B3GLCT: variants seen among roughly 807,000 people sequenced by gnomAD.
B3GLCT encodes the protein beta-1,3-glucosyltransferase.
A neutral mutation model predicts 63.4 loss-of-function variants in B3GLCT; 65 were observed. The ratio of observed to expected loss-of-function variants is 1.03; its 90% CI spans 0.84 to 1.26. The LOEUF (loss-of-function observed/expected upper bound fraction) is 1.26, where lower values mean the gene tolerates loss of function less well. Ranked by LOEUF, B3GLCT falls within the 50% of genes most tolerant of loss-of-function variation. B3GLCT has a pLI of 0.00. For missense variants in B3GLCT, 577 were observed against 604.8 expected, an observed-to-expected ratio of 0.95 and a Z score of 0.48; for synonymous variants, 233 against 219.2, an observed-to-expected ratio of 1.06 and a Z score of -0.55.
intron 12 of B3GLCT, among the ~76,000 whole-genome samples, chr13:31,292,655 T>A (rs1593301525): frequency 6.6e-6 from 1 of 152,156 alleles, no homozygotes; most frequent in Middle Eastern, 3.4e-3. Flanking sequence ...TCAGTGGTTA[T>A]ATCCCCTTTA....
At chr13:31,254,069 C>T (rs1871588820) in intron 6 of B3GLCT, among the ~76,000 whole-genome samples, 1 of 152,152 alleles carries the variant, frequency 6.6e-6, no homozygotes, top group Non-Finnish European at 1.5e-5. Flanking sequence ...CGGGACCAGA[C>T]AGATTCACAG....
chr13:31,294,037 A>G (rs1873812280), intron 12 of B3GLCT, among the ~76,000 whole-genome samples: 1 of 152,174 alleles, frequency 6.6e-6, no homozygotes, highest in African/African-American at 2.4e-5. Context: ...GCTTGTTTGT[A>G]AAGGATTTTA....
At chr13:31,316,407 T>TTATATATACATATATATATA (rs1555255280) in intron 12 of B3GLCT, among the ~76,000 whole-genome samples, 1 of 40,866 alleles carries the variant, frequency 2.4e-5, no homozygotes, top group African/African-American at 6.5e-5. Flanking sequence ...TTTGGAGGTT[T>TTATATATACATATATATATA]TATATATATA....
intron 13 of B3GLCT, among the ~76,000 whole-genome samples, chr13:31,323,325 G>A (rs531210666): frequency 1.3e-5 from 2 of 152,288 alleles, no homozygotes; most frequent in African/African-American, 4.8e-5. Flanking sequence ...TGAGTGCTGT[G>A]GGCAAGGCCC....
At chr13:31,295,668 C>A (rs981628432) in intron 12 of B3GLCT, among the ~76,000 whole-genome samples, 1 of 152,234 alleles carries the variant, frequency 6.6e-6, no homozygotes, top group South Asian at 2.1e-4. Flanking sequence ...CCTCCCCCCA[C>A]CAAGCTCGAG....
At chr13:31,273,565 T>C (rs1346445154) in intron 8 of B3GLCT, among the ~76,000 whole-genome samples, 1 of 152,238 alleles carries the variant, frequency 6.6e-6, no homozygotes, top group Non-Finnish European at 1.5e-5. Context: ...AAATAAATTA[T>C]GTCTGCTGGC....
chr13:31,317,612 C>A lies in B3GLCT; in HGVS notation c.1111C>A (p.Pro371Thr), dbSNP rs543268896. 3.1e-6 allele frequency: 5 copies of A among 1,614,034 alleles called. No homozygotes were observed. The highest frequency in any genetic ancestry group is 2.7e-5 in the African/African-American group (2 of 75,010). The change falls in exon 13 of 15, where the codon CCT becomes ACT. Residue 371 changes from proline to threonine, a missense_variant. Pro to Thr is a conservative substitution (Grantham distance 38, BLOSUM62 -1). Coordinates refer to ENST00000343307, the MANE Select transcript of B3GLCT (RefSeq NM_194318.4). The stretch of plus-strand genomic sequence containing the variant: ...GCTTAGCTGTTATGACTCCGGCGAG[C>A]CTGTGTTTCTGGGAGAGCGCTACGG... ...HLLSCYDSGE[P>T]VFLGERYGYG...
chr13:31,212,640 C>T (rs1223489412), intron 1 of B3GLCT, among the ~76,000 whole-genome samples: 1 of 152,056 alleles, frequency 6.6e-6, no homozygotes, highest in African/African-American at 2.4e-5. Flanking sequence ...AAGCTCCTGG[C>T]TTCAAGGGGT....
In B3GLCT at chr13:31,200,148, T is replaced by C; in HGVS notation, c.64T>C (p.Ser22Pro). ...GGCGCTGCTCGCGCTCCTCACCTGCTCCCTGGGTAAGTAGCGGGCGGCCAG... is the reference window on the plus strand; with the variant it reads ...GGCGCTGCTCGCGCTCCTCACCTGCCCCCTGGGTAAGTAGCGGGCGGCCAG... ...PPALLALLTCSLAFGLASEDT... is the reference protein window; with the variant it reads ...PPALLALLTCPLAFGLASEDT... Residue 22 changes from serine (S) to proline (P), a missense_variant, in exon 1 of 15, where the codon TCC (serine) becomes CCC (proline). Transcript: ENST00000343307. 1 of 1,348,574 alleles carries C rather than the reference T, an allele frequency of 7.4e-7. No individual in the cohort carries two copies. The highest frequency in any genetic ancestry group is 9.6e-7 in the Non-Finnish European group (1 of 1,039,640). 83.5% of individuals were successfully genotyped at this position (1,348,574 alleles called of 1,614,324 possible).
At chr13:31,208,186 G>A (rs1362056335) in intron 1 of B3GLCT, among the ~76,000 whole-genome samples, 1 of 151,946 alleles carries the variant, frequency 6.6e-6, no homozygotes, top group Non-Finnish European at 1.5e-5. Flanking sequence ...CTCCTCTACT[G>A]CCACATCTTT....
Position 31,252,953 on chromosome 13 carries a change from T to A in B3GLCT, c.459+4987T>A, listed in dbSNP as rs1190195156. On this transcript the variant is annotated intron_variant, in intron 6 of 14. Coordinates refer to ENST00000343307, the MANE Select transcript of B3GLCT (RefSeq NM_194318.4). Reference sequence around the variant, plus strand: ...CACTCTTATTCTAAAATTGACCACATAATTGGAAGTAAAACACTCCTCAGC... The same window carrying A: ...CACTCTTATTCTAAAATTGACCACAAAATTGGAAGTAAAACACTCCTCAGC... Among the ~76,000 whole-genome samples the A allele has an allele frequency of 2.0e-5, 3 of 152,128 alleles. No individual in the cohort carries two copies. The East Asian group carries it at 5.8e-4, about 29-fold the overall frequency.
chr13:31,240,596 T>C (rs961352767), intron 4 of B3GLCT, among the ~76,000 whole-genome samples: 2 of 151,966 alleles, frequency 1.3e-5, no homozygotes, highest in African/African-American at 4.8e-5. Flanking sequence ...CGTTTTCTAA[T>C]TTCAGAATTT....
intron 13 of B3GLCT, among the ~76,000 whole-genome samples, chr13:31,319,789 C>T (rs1022023795): frequency 6.6e-6 from 1 of 152,222 alleles, no homozygotes; most frequent in Admixed American, 6.5e-5. Flanking sequence ...GATTGACAGA[C>T]ACATCACACT....
chr13:31,213,616 A>ACCCCCCC (rs1243633056), intron 1 of B3GLCT, among the ~76,000 whole-genome samples: 1 of 56,838 alleles, frequency 1.8e-5, no homozygotes, highest in African/African-American at 7.3e-5. Flanking sequence ...ACACCCCCCC[A>ACCCCCCC]CCCCACCCCC....
Position 31,329,857 on chromosome 13 carries a change from T to A in B3GLCT, c.*189T>A, listed in dbSNP as rs1054193288. On this transcript the variant is annotated 3_prime_UTR_variant, in exon 15 of 15. Coordinates refer to ENST00000343307, the MANE Select transcript of B3GLCT (RefSeq NM_194318.4). ...AAGGGGTCACAGGAGAAACATTTTTTTTTCTGGGAAAAATCACTTGCTTTT... is the reference window on the plus strand; with the variant it reads ...AAGGGGTCACAGGAGAAACATTTTTATTTCTGGGAAAAATCACTTGCTTTT... The A allele has an allele frequency of 3.1e-6, 2 of 638,746 alleles. No homozygotes were observed. The highest frequency in any genetic ancestry group is 5.4e-6 in the Non-Finnish European group (2 of 370,796). 39.6% of individuals were successfully genotyped at this position (638,746 alleles called of 1,614,324 possible).
chr13:31,284,392 A>C (rs909963402), intron 10 of B3GLCT, among the ~76,000 whole-genome samples: 8 of 152,232 alleles, frequency 5.3e-5, no homozygotes, highest in African/African-American at 1.9e-4. Context: ...AAAATTTATC[A>C]TTATATGGAA....
At chr13:31,326,772 G>T (rs1200557925) in intron 14 of B3GLCT, among the ~76,000 whole-genome samples, 1 of 152,092 alleles carries the variant, frequency 6.6e-6, no homozygotes, top group African/African-American at 2.4e-5. Flanking sequence ...ATACCATTTT[G>T]GATGTATTTC....
chr13:31,223,581 A>G (rs895435939), intron 3 of B3GLCT, among the ~76,000 whole-genome samples: 1 of 152,100 alleles, frequency 6.6e-6, no homozygotes, highest in African/African-American at 2.4e-5. Flanking sequence ...CCTCTCCGCC[A>G]TAGTTTGTAA....
intron 8 of B3GLCT, among the ~76,000 whole-genome samples, chr13:31,273,254 C>G (rs1456478849): frequency 6.6e-6 from 1 of 152,080 alleles, no homozygotes; most frequent in Non-Finnish European, 1.5e-5. Context: ...GCCACCACGA[C>G]CAGCTAATTT....
Sources: allele counts gnomAD v4.1 joint callset (sites outside exome capture counted in the v4.1 genomes callset), GRCh38; gene constraint gnomAD v4.1.1; transcripts MANE v1.5; gene names NCBI Gene and HGNC (gene_info 2026-07-23, HGNC 2026-07-21).